Variants in SETD2 observed in about 807,000 individuals in gnomAD.
The protein encoded by SETD2 is SET domain containing 2, histone lysine methyltransferase, also known as histone-lysine N-methyltransferase SETD2.
Under a neutral mutation model 242.1 loss-of-function variants are expected in SETD2, and 31 were observed. The ratio of observed to expected loss-of-function variants is 0.13; its 90% CI spans 0.10 to 0.17. The LOEUF is 0.17. SETD2 is among the 10% of genes least tolerant of loss of function. The probability of loss-of-function intolerance (pLI) is 1.00; values close to 1 mark genes in which losing one functional copy is unlikely to be tolerated. For missense variants in SETD2, 2,481 were observed against 3,046.3 expected (o/e 0.81, Z 4.37); for synonymous variants, 1,006 against 1,066.5 (o/e 0.94, Z 1.11).
intron 1 of SETD2, among the ~76,000 whole-genome samples, chr3:47,154,821 T>C (rs1159983187): frequency 6.6e-6 from 1 of 151,884 alleles, no homozygotes; most frequent in East Asian, 1.9e-4. Flanking sequence ...GTGAAACCCA[T>C]CTCTACTAAA....
chr3:47,147,917 CAAA>C (rs547475994), intron 1 of SETD2, among the ~76,000 whole-genome samples: 3 of 52,118 alleles, frequency 5.8e-5, no homozygotes, highest in Admixed American at 1.9e-4. Flanking sequence ...GACTCTGTCT[CAAA>C]AAAAAAAAAA....
chr3:47,017,547 A>G lies in SETD2; in HGVS notation c.7533+91T>C. On this transcript the variant is annotated intron_variant, in intron 20 of 20. Coordinates refer to ENST00000409792, the MANE Select transcript of SETD2 (RefSeq NM_014159.7). This position sits in a 1 kb window ranked among gnomAD's most constrained non-coding sequence, Gnocchi z 4.8. ...GCTCTGACATCTGACAAGAAAAAAA[A>G]AAATACTTTCTATGATGAAAAGGGC... The G allele has an allele frequency of 9.6e-7, 1 of 1,041,808 alleles. No homozygotes were observed. The highest frequency in any genetic ancestry group is 2.2e-5 in the Admixed American group (1 of 45,246). The allele number at this position is 1,041,808 out of a possible 1,614,324, so 64.5% of individuals were successfully genotyped here.
intron 5 of SETD2, among the ~76,000 whole-genome samples, chr3:47,106,626 A>G (rs2042435712): frequency 6.6e-6 from 1 of 151,554 alleles, no homozygotes; most frequent in Admixed American, 6.6e-5. Context: ...AGCCTGACCA[A>G]TATGGTGAAA....
At position 47,121,112 on chromosome 3, in the gene SETD2, T is replaced by G; in HGVS notation, c.3524A>C (p.Asp1175Ala). 3 of 1,614,098 alleles carry G rather than the reference T, an allele frequency of 1.9e-6. No homozygotes were observed. The highest frequency in any genetic ancestry group is 2.5e-6 in the Non-Finnish European group (3 of 1,179,992). ...SDGVDSTSHT[D>A]VKSDPLGHPN... ...GTGACCCAGAGGGTCAGATTTCACA[T>G]CTGTATGACTTGTACTATCAACCCC... Residue 1175 changes from aspartate to alanine, a missense_variant, in exon 3 of 21, where the codon GAT becomes GCT. By Grantham distance (126) the Asp-to-Ala change is moderately radical. This residue lies in a region of SETD2 where 1,300 missense variants were observed against 1,259.2 expected (regional missense o/e 1.03). Transcript: ENST00000409792.
At chr3:47,153,700 C>G (rs2044053425) in intron 1 of SETD2, among the ~76,000 whole-genome samples, 1 of 151,504 alleles carries the variant, frequency 6.6e-6, no homozygotes, top group Non-Finnish European at 1.5e-5. Flanking sequence ...CTACAGTGAA[C>G]TGGGATCATA....
intron 15 of SETD2, among the ~76,000 whole-genome samples, chr3:47,047,740 A>C (rs2039595091): frequency 6.6e-6 from 1 of 152,214 alleles, no homozygotes; most frequent in Admixed American, 6.5e-5. Flanking sequence ...GAAAAACATT[A>C]ATTGTTAAGG....
chr3:47,074,519 G>A (rs1166025955), intron 12 of SETD2, among the ~76,000 whole-genome samples: 3 of 152,206 alleles, frequency 2.0e-5, no homozygotes, highest in Non-Finnish European at 2.9e-5. Context: ...ACTTGTAAAT[G>A]TTGTTCTTCA....
At chr3:47,147,443 C>T (rs530602248) in intron 1 of SETD2, among the ~76,000 whole-genome samples, 3 of 151,692 alleles carry the variant, frequency 2.0e-5, no homozygotes, top group African/African-American at 7.3e-5. Flanking sequence ...CTGCCTCAGC[C>T]GCCCGACTAG....
At chr3:47,115,841 T>C (rs1026943095) in intron 4 of SETD2, among the ~76,000 whole-genome samples, 1 of 152,160 alleles carries the variant, frequency 6.6e-6, no homozygotes, top group Admixed American at 6.5e-5. Context: ...AGATGGGGTT[T>C]CACCATGTTG....
chr3:47,045,944 GA>G (rs2039506049), intron 16 of SETD2, among the ~76,000 whole-genome samples: 1 of 151,296 alleles, frequency 6.6e-6, no homozygotes, highest in East Asian at 2.0e-4. Context: ...TGTATTAACG[GA>G]ACTATAAATT....
At chr3:47,100,419 C>T (rs2107680288) in intron 8 of SETD2, among the ~76,000 whole-genome samples, 1 of 152,038 alleles carries the variant, frequency 6.6e-6, no homozygotes, top group Non-Finnish European at 1.5e-5. Context: ...CGCCACCACG[C>T]CCAGCTAATT....
intron 9 of SETD2, among the ~76,000 whole-genome samples, chr3:47,090,703 G>C (rs368786450): frequency 6.6e-6 from 1 of 152,072 alleles, no homozygotes; most frequent in Non-Finnish European, 1.5e-5. Context: ...AGTGGAACTT[G>C]ATAATAATTT....
At position 47,097,000 on chromosome 3, in the gene SETD2, T is replaced by C. The variant is rs553229835; in HGVS notation, c.5142+955A>G. ...AATACTTAATTCCCTCAAATTAATT[T>C]GTGCTCAATTGATGTTACCTTTTAA... On this transcript the variant is annotated intron_variant, in intron 9 of 20. Coordinates refer to ENST00000409792, the MANE Select transcript of SETD2 (RefSeq NM_014159.7). Among the ~76,000 whole-genome samples, 6 of 152,318 alleles carry C rather than the reference T, an allele frequency of 3.9e-5. No individual in the cohort carries two copies. The South Asian group carries it at 1.2e-3, about 32-fold the overall frequency.
intron 1 of SETD2, among the ~76,000 whole-genome samples, chr3:47,138,470 G>T (rs1373510536): frequency 6.6e-6 from 1 of 151,990 alleles, no homozygotes; most frequent in African/African-American, 2.4e-5. Flanking sequence ...TGCCCAGGCT[G>T]AAGTGCAATG....
At chr3:47,146,479 T>C (rs1478031353) in intron 1 of SETD2, among the ~76,000 whole-genome samples, 1 of 151,798 alleles carries the variant, frequency 6.6e-6, no homozygotes, top group Non-Finnish European at 1.5e-5. Context: ...AATACAAAAA[T>C]TAACCAGTCA....
At chr3:47,134,929 G>C (rs2043559677) in intron 1 of SETD2, among the ~76,000 whole-genome samples, 1 of 152,064 alleles carries the variant, frequency 6.6e-6, no homozygotes, top group Non-Finnish European at 1.5e-5. Context: ...CGGCCTGAAT[G>C]ACATTTTAGA....
chr3:47,049,329 A>G (rs1407482042), intron 15 of SETD2, among the ~76,000 whole-genome samples: 1 of 20,048 alleles, frequency 5.0e-5, no homozygotes, highest in African/African-American at 3.3e-4. Context: ...ATATATATAT[A>G]TATATATATA....
At chr3:47,103,271 T>C in intron 7 of SETD2, 75 bp downstream of exon 7, 3 of 933,540 alleles carry the variant, frequency 3.2e-6, no homozygotes, top group South Asian at 1.4e-5. Context: ...GTACCTTAGA[T>C]ATGGGATCTA....
rs1171904613 is a variant in SETD2, at chr3:47,116,596, A to G, written c.4586+27T>C. The G allele has an allele frequency of 3.1e-6, 5 of 1,593,130 alleles. No individual in the cohort carries two copies. The South Asian group carries it at 5.7e-5, about 18-fold the overall frequency. The stretch of plus-strand genomic sequence containing the variant: ...GAGACATTTAATAGAAGTGTTGAGC[A>G]AAAGCCGAGTATTCTAATTTACTTA... On this transcript the variant is annotated intron_variant, in intron 4 of 20. Transcript: ENST00000409792.
Sources: gnomAD v4.1 joint callset for allele counts (sites outside exome capture counted in the v4.1 genomes callset) on GRCh38, gnomAD v4.1.1 for gene constraint, gnomAD v4.1.1 regional missense constraint, Gnocchi (gnomAD v3.1) non-coding constraint, MANE v1.5 for transcripts, NCBI Gene and HGNC (gene_info 2026-07-23, HGNC 2026-07-21) for gene names.